Variants in EFCAB6 observed in about 807,000 individuals in gnomAD.
The protein encoded by EFCAB6 is EF-hand calcium binding domain 6.
Under a neutral mutation model 169.8 loss-of-function variants are expected in EFCAB6, and 156 were observed. The observed-to-expected ratio is 0.92, with a 90% CI of 0.81 to 1.05. The LOEUF is 1.05. EFCAB6 is among the 50% of genes least tolerant of loss of function. The pLI, the probability that EFCAB6 is intolerant of heterozygous loss-of-function variation, is 0.00. For missense variants in EFCAB6, 1,800 were observed against 1,829.1 expected (o/e 0.98, Z 0.29); for synonymous variants, 698 against 676.4 (o/e 1.03, Z -0.50).
chr22:43,634,782 A>T (rs912192306), intron 18 of EFCAB6, among the ~76,000 whole-genome samples: 1 of 152,188 alleles, frequency 6.6e-6, no homozygotes, highest in African/African-American at 2.4e-5. Flanking sequence ...TTAACTACAG[A>T]TAACCAGCAA....
chr22:43,778,890 CTT>C (rs148960002), intron 3 of EFCAB6, among the ~76,000 whole-genome samples: 2 of 147,784 alleles, frequency 1.4e-5, no homozygotes, highest in African/African-American at 2.5e-5. Context: ...TCTGGCATTA[CTT>C]TTTTTTTTTA....
chr22:43,629,976 G>T (rs1169464799), intron 19 of EFCAB6, among the ~76,000 whole-genome samples: 2 of 152,134 alleles, frequency 1.3e-5, no homozygotes, highest in Non-Finnish European at 2.9e-5. Flanking sequence ...CCTATTTGTG[G>T]GTTGACAGGT....
chr22:43,733,923 G>A (rs867976409), intron 7 of EFCAB6, among the ~76,000 whole-genome samples: 2 of 152,070 alleles, frequency 1.3e-5, no homozygotes, highest in East Asian at 1.9e-4. Context: ...TGGCCAGGAC[G>A]GTCTCAATCT....
intron 21 of EFCAB6, among the ~76,000 whole-genome samples, chr22:43,610,180 A>G (rs1163228069): frequency 6.6e-6 from 1 of 152,238 alleles, no homozygotes; most frequent in Non-Finnish European, 1.5e-5. Context: ...TACATTAAAA[A>G]GAACTTATAT....
chr22:43,770,386 C>A (rs2061433351), intron 4 of EFCAB6, among the ~76,000 whole-genome samples: 1 of 152,194 alleles, frequency 6.6e-6, no homozygotes, highest in Non-Finnish European at 1.5e-5. Flanking sequence ...TAAGACCCCT[C>A]TCAATGGAAA....
chr22:43,624,960 T>A lies in EFCAB6; in HGVS notation c.2465+1487A>T, dbSNP rs190655497. On this transcript the variant is annotated intron_variant, in intron 20 of 31. Transcript: ENST00000262726. ...AATTTTTTGGGAAGAATTTTGTTTG[T>A]TTGTTTTAATGTTAGGCAATCAAGT... is the stretch of plus-strand genomic sequence containing the variant. Among the ~76,000 whole-genome samples, 198 of 152,358 alleles carry A rather than the reference T, an allele frequency of 1.3e-3. 3 individuals carry two copies. Among genetic ancestry groups the A allele is most frequent in the Non-Finnish European group, 8.4e-4 (57 of 68,036 alleles).
intron 6 of EFCAB6, among the ~76,000 whole-genome samples, chr22:43,739,867 C>G (rs1391888584): frequency 6.6e-6 from 1 of 152,020 alleles, no homozygotes; most frequent in African/African-American, 2.4e-5. Flanking sequence ...ACGAAGCAGC[C>G]AAGGAGTTTA....
At chr22:43,636,075 G>C (rs966822742) in intron 17 of EFCAB6, among the ~76,000 whole-genome samples, 1 of 152,194 alleles carries the variant, frequency 6.6e-6, no homozygotes, top group African/African-American at 2.4e-5. Flanking sequence ...AAAGAACACA[G>C]AATCACAGTT....
chr22:43,642,489 C>G (rs1387599298), intron 17 of EFCAB6, among the ~76,000 whole-genome samples: 1 of 152,130 alleles, frequency 6.6e-6, no homozygotes, highest in Non-Finnish European at 1.5e-5. Context: ...AGCTCCTCCC[C>G]CACCTATACA....
chr22:43,794,676 A>G (rs1270372185), intron 2 of EFCAB6, among the ~76,000 whole-genome samples: 1 of 152,214 alleles, frequency 6.6e-6, no homozygotes, highest in Non-Finnish European at 1.5e-5. Context: ...GTAGAAAATT[A>G]AAAGCAAGCC....
intron 17 of EFCAB6, among the ~76,000 whole-genome samples, chr22:43,666,354 C>G (rs546303877): frequency 6.6e-6 from 1 of 152,216 alleles, no homozygotes; most frequent in Non-Finnish European, 1.5e-5. Context: ...GAAATAAGAC[C>G]CATAAAAAGC....
intron 13 of EFCAB6, among the ~76,000 whole-genome samples, chr22:43,676,222 C>T (rs1368511614): frequency 1.3e-5 from 2 of 151,888 alleles, no homozygotes; most frequent in Non-Finnish European, 2.9e-5. Flanking sequence ...TCGAGACCAT[C>T]CTGGCTAACA....
At chr22:43,772,382 G>A (rs1402169097) in intron 4 of EFCAB6, among the ~76,000 whole-genome samples, 1 of 152,212 alleles carries the variant, frequency 6.6e-6, no homozygotes, top group Non-Finnish European at 1.5e-5. Context: ...GCTCATGCCT[G>A]TAATCCCAGC....
intron 12 of EFCAB6, among the ~76,000 whole-genome samples, chr22:43,678,787 G>A (rs1426937551): frequency 6.6e-6 from 1 of 152,164 alleles, no homozygotes; most frequent in Non-Finnish European, 1.5e-5. Context: ...GAGAGATACT[G>A]TTTATTGGAA....
chr22:43,715,770 G>C (rs745562282), intron 9 of EFCAB6, among the ~76,000 whole-genome samples: 3 of 151,982 alleles, frequency 2.0e-5, no homozygotes, highest in Non-Finnish European at 4.4e-5. Context: ...ATGTTTTTAT[G>C]AAAACAAGAA....
At chr22:43,697,673 C>T (rs527303043) in intron 10 of EFCAB6, among the ~76,000 whole-genome samples, 20 of 152,218 alleles carry the variant, frequency 1.3e-4, no homozygotes, top group African/African-American at 4.1e-4. Context: ...TATTTTGCTC[C>T]TAAAAGTGTC....
intron 11 of EFCAB6, among the ~76,000 whole-genome samples, chr22:43,684,441 A>G (rs963327666): frequency 2.6e-5 from 4 of 152,140 alleles, no homozygotes; most frequent in African/African-American, 9.7e-5. Flanking sequence ...TCTGGAGACC[A>G]AAACCAAGTT....
At chr22:43,810,766 T>G (rs2063083896) in intron 1 of EFCAB6, among the ~76,000 whole-genome samples, 1 of 152,120 alleles carries the variant, frequency 6.6e-6, no homozygotes, top group African/African-American at 2.4e-5. Flanking sequence ...AGCATTAAAA[T>G]AAGCATAGAG....
chr22:43,792,737 G>A (rs1195471011), intron 2 of EFCAB6, among the ~76,000 whole-genome samples: 1 of 152,210 alleles, frequency 6.6e-6, no homozygotes, highest in Non-Finnish European at 1.5e-5. Context: ...CCCAAGGCTG[G>A]AGACTAAGCC....
Sources: allele counts gnomAD v4.1 joint callset (sites outside exome capture counted in the v4.1 genomes callset), GRCh38; gene constraint gnomAD v4.1.1; transcripts MANE v1.5; gene names NCBI Gene and HGNC (gene_info 2026-07-23, HGNC 2026-07-21).